Variants in TAFA2 observed in about 807,000 individuals in gnomAD.
TAFA2 encodes TAFA chemokine like family member 2, also known as chemokine-like protein TAFA-2.
Under a neutral mutation model 18.8 loss-of-function variants are expected in TAFA2, and 7 were observed. The observed-to-expected ratio is 0.37, with a 90% CI of 0.21 to 0.70. The LOEUF is 0.70. Among genes scored for constraint, TAFA2 ranks in the 30% least tolerant of loss-of-function variants. The probability of loss-of-function intolerance (pLI) is 0.53; values close to 1 mark genes in which losing one functional copy is unlikely to be tolerated. For missense variants in TAFA2, 122 were observed against 158.1 expected, an observed-to-expected ratio of 0.77 and a Z score of 1.23; for synonymous variants, 60 against 54.2, an observed-to-expected ratio of 1.11 and a Z score of -0.47.
chr12:61,829,970 T>G (rs183942317), intron 2 of TAFA2, among the ~76,000 whole-genome samples: 4 of 151,676 alleles, frequency 2.6e-5, no homozygotes, highest in African/African-American at 9.7e-5. Flanking sequence ...TTCAAGAACA[T>G]TGTAGACAAT....
intron 1 of TAFA2, among the ~76,000 whole-genome samples, chr12:62,100,549 C>G (rs184761390): frequency 1.6e-3 from 236 of 152,234 alleles, no homozygotes; most frequent in Non-Finnish European, 1.2e-3. Flanking sequence ...AATCCCTTAC[C>G]CACCTGTTAG....
chr12:61,812,737 C>G (rs919974818), intron 2 of TAFA2, among the ~76,000 whole-genome samples: 3 of 150,842 alleles, frequency 2.0e-5, no homozygotes, highest in African/African-American at 7.4e-5. Context: ...GCCCGGATAA[C>G]TTTTGTATTT....
chr12:61,995,876 A>AAAT (rs893230069), intron 1 of TAFA2, among the ~76,000 whole-genome samples: 3 of 151,996 alleles, frequency 2.0e-5, no homozygotes, highest in African/African-American at 7.3e-5. Flanking sequence ...TGTAACAAAT[A>AAAT]AATAAGCATT....
At chr12:62,032,787 T>C (rs1039465263) in intron 1 of TAFA2, among the ~76,000 whole-genome samples, 7 of 152,140 alleles carry the variant, frequency 4.6e-5, no homozygotes, top group Admixed American at 4.6e-4. Context: ...CATATATGAA[T>C]CAGACAAAAA....
chr12:62,120,931 C>T (rs1268443747), intron 1 of TAFA2, among the ~76,000 whole-genome samples: 1 of 152,100 alleles, frequency 6.6e-6, no homozygotes, highest in Non-Finnish European at 1.5e-5. Context: ...TCTCGGCTCA[C>T]TGCAGCCTCT....
chr12:61,861,070 C>T (rs1367025661), intron 2 of TAFA2, among the ~76,000 whole-genome samples: 2 of 152,056 alleles, frequency 1.3e-5, no homozygotes, highest in Middle Eastern at 3.2e-3. Flanking sequence ...TCCACCTCAA[C>T]CTCTGGAGAA....
chr12:61,799,238 C>A (rs1204905273), intron 2 of TAFA2, among the ~76,000 whole-genome samples: 1 of 152,150 alleles, frequency 6.6e-6, no homozygotes. Flanking sequence ...TCTCTTCTCA[C>A]AAAAATAATA....
chr12:62,097,264 G>A (rs535708099), intron 1 of TAFA2, among the ~76,000 whole-genome samples: 1 of 152,200 alleles, frequency 6.6e-6, no homozygotes, highest in Non-Finnish European at 1.5e-5. Flanking sequence ...GAGGGGGAAG[G>A]ATAGAAAGGA....
At chr12:61,873,762 A>G (rs1874722193) in intron 1 of TAFA2, among the ~76,000 whole-genome samples, 1 of 152,160 alleles carries the variant, frequency 6.6e-6, no homozygotes, top group Non-Finnish European at 1.5e-5. Flanking sequence ...AATCATGTCT[A>G]ACCTGACTAG....
At chr12:61,863,201 T>C (rs1592443084) in intron 2 of TAFA2, among the ~76,000 whole-genome samples, 1 of 152,168 alleles carries the variant, frequency 6.6e-6, no homozygotes, top group Non-Finnish European at 1.5e-5. Flanking sequence ...CTGTGCTCCT[T>C]ACACTGATAG....
At chr12:61,769,404 C>T (rs1869929266) in intron 2 of TAFA2, among the ~76,000 whole-genome samples, 1 of 151,910 alleles carries the variant, frequency 6.6e-6, no homozygotes, top group African/African-American at 2.4e-5. Flanking sequence ...CTCTTGAAAG[C>T]ACCACCTCTT....
upstream of TAFA2, chr12:62,259,885 G>T (rs1334754862): frequency 6.3e-6 from 1 of 158,422 alleles, no homozygotes; most frequent in African/African-American, 2.4e-5. Flanking sequence ...AGTGTTTTTT[G>T]TGTGTGCCCA....
intron 1 of TAFA2, among the ~76,000 whole-genome samples, chr12:61,954,104 C>A (rs1442193972): frequency 6.6e-6 from 1 of 152,132 alleles, no homozygotes; most frequent in Admixed American, 6.6e-5. Flanking sequence ...TAAGTAATTT[C>A]TCATCCCTCA....
intron 1 of TAFA2, among the ~76,000 whole-genome samples, chr12:62,247,027 TA>T (rs2062889917): frequency 6.6e-6 from 1 of 152,158 alleles, no homozygotes; most frequent in Non-Finnish European, 1.5e-5. Context: ...TCTACAATCT[TA>T]TATATATGTT....
chr12:62,252,643 G>A (rs2062919791), intron 1 of TAFA2: 1 of 152,162 alleles, frequency 6.6e-6, no homozygotes, highest in Non-Finnish European at 1.5e-5. Context: ...ATACTGCATA[G>A]GGTATTATTG....
intron 1 of TAFA2, among the ~76,000 whole-genome samples, chr12:62,106,594 G>T (rs1019305890): frequency 6.6e-6 from 1 of 152,174 alleles, no homozygotes; most frequent in Admixed American, 6.5e-5. Context: ...CAAATTAAAA[G>T]AAAGCGTAGA....
chr12:61,913,758 C>T (rs957332640), intron 1 of TAFA2, among the ~76,000 whole-genome samples: 5 of 152,172 alleles, frequency 3.3e-5, no homozygotes, highest in African/African-American at 1.2e-4. Context: ...AGGAAACCCA[C>T]AACCTGGTCC....
At chr12:61,739,364 T>C (rs1259988914) in intron 4 of TAFA2, among the ~76,000 whole-genome samples, 1 of 152,024 alleles carries the variant, frequency 6.6e-6, no homozygotes, top group Non-Finnish European at 1.5e-5. Flanking sequence ...TGACAATGTC[T>C]CCATCTGTCA....
intron 1 of TAFA2, among the ~76,000 whole-genome samples, chr12:61,963,476 T>G (rs1878959932): frequency 6.6e-6 from 1 of 152,060 alleles, no homozygotes; most frequent in Non-Finnish European, 1.5e-5. Context: ...ATATGTTTGT[T>G]GGCTGCATAA....
Sources: gnomAD v4.1 joint callset for allele counts (sites outside exome capture counted in the v4.1 genomes callset) on GRCh38, gnomAD v4.1.1 for gene constraint, MANE v1.5 for transcripts, NCBI Gene and HGNC (gene_info 2026-07-23, HGNC 2026-07-21) for gene names.